The following XPO4 variants were observed in gnomAD, a reference collection of about 807,000 sequenced individuals.
XPO4 encodes the protein exportin 4.
XPO4 carries 39 observed loss-of-function variants against 143.0 expected under a neutral mutation model. That is an observed-to-expected ratio of 0.27 (90% CI 0.21 to 0.36). XPO4 has a LOEUF of 0.36. Among genes scored for constraint, XPO4 ranks in the 10% least tolerant of loss-of-function variants. The probability of loss-of-function intolerance (pLI) is 1.00; values close to 1 mark genes in which losing one functional copy is unlikely to be tolerated. For missense variants in XPO4, 907 were observed against 1,348.0 expected (o/e 0.67, Z 5.12); for synonymous variants, 439 against 474.0 (o/e 0.93, Z 0.96).
chr13:20,838,292 T>A (rs1050612639), intron 6 of XPO4, among the ~76,000 whole-genome samples: 1 of 152,146 alleles, frequency 6.6e-6, no homozygotes, highest in Non-Finnish European at 1.5e-5. Context: ...ACAGTCACAA[T>A]TAATACAGTA....
intron 1 of XPO4, chr13:20,902,122 C>G: frequency 1.0e-6 from 1 of 985,408 alleles, no homozygotes; most frequent in South Asian, 4.7e-5. Context: ...CGATTCCCCT[C>G]CCTCCCTCCA....
At chr13:20,799,744 G>A (rs998842780) in intron 15 of XPO4, among the ~76,000 whole-genome samples, 6 of 152,068 alleles carry the variant, frequency 3.9e-5, no homozygotes, top group African/African-American at 1.2e-4. Flanking sequence ...TAAGAACAAC[G>A]AAAACATTTC....
Position 20,889,069 on chromosome 13 carries a change from T to A in XPO4, c.69+13601A>T, listed in dbSNP as rs1434576535. On this transcript the variant is annotated intron_variant, in intron 1 of 22. Coordinates refer to ENST00000255305, the MANE Select transcript of XPO4 (RefSeq NM_022459.5). ...CTCAAGTGATCCACCCACCTTGGCC[T>A]CCCAAAGTGCTGGGATTACAGGCGT... Among the ~76,000 whole-genome samples, 5 of 152,104 alleles carry A rather than the reference T, an allele frequency of 3.3e-5. No homozygotes were observed. The South Asian group carries it at 8.3e-4, about 25-fold the overall frequency.
chr13:20,782,593 T>C lies in XPO4; in HGVS notation c.*1129A>G, dbSNP rs1413589376. Reference sequence around the variant, plus strand: ...TGATTCACATCCTTTAAAATAATTATTGCTTAAGCAAGCCATTTAGAGTAG... The same window carrying C: ...TGATTCACATCCTTTAAAATAATTACTGCTTAAGCAAGCCATTTAGAGTAG... On this transcript the variant is annotated 3_prime_UTR_variant, in exon 23 of 23. Transcript: ENST00000255305. 1 of 152,630 alleles carries C rather than the reference T, an allele frequency of 6.6e-6. No homozygotes were observed. The highest frequency in any genetic ancestry group is 2.1e-4 in the South Asian group (1 of 4,834). The allele number at this position is 152,630 out of a possible 1,614,324, so 9.5% of individuals were successfully genotyped here. A position where few individuals can be genotyped will look rare whatever the true frequency, so the allele number is the denominator to read the frequency against.
In XPO4 at chr13:20,807,659, T is replaced by C. The variant is rs752518583; in HGVS notation, c.1640-25A>G. 7.2e-6 allele frequency: 11 copies of C among 1,534,806 alleles called. No homozygotes were observed. The South Asian group carries it at 1.4e-4, about 20-fold the overall frequency. ...CCTTCAGTTTAAAAAAAATTAAAAA[T>C]GAACACTTAACAAATCTACATTTAT... On this transcript the variant is annotated intron_variant, in intron 12 of 22. Transcript: ENST00000255305.
chr13:20,822,383 T>C (rs1001459751), intron 7 of XPO4, 94 bp from the exon 8 acceptor site: 6 of 1,064,946 alleles, frequency 5.6e-6, no homozygotes, highest in African/African-American at 4.8e-5. Flanking sequence ...AAAAATTCAC[T>C]GTAGCTGGTT....
Position 20,796,644 on chromosome 13 carries a change from T to C in XPO4, c.2616+120A>G, listed in dbSNP as rs889797555. ...TTTCAAAAATCTTTTTTAAAAATCT[T>C]TTGAAGGAATAAAAATATTATTTAA... On this transcript the variant is annotated intron_variant, in intron 17 of 22. Transcript: ENST00000255305. The C allele has an allele frequency of 4.0e-5, 34 of 840,772 alleles. No individual in the cohort carries two copies. In the Admixed American group the frequency reaches 1.3e-3, roughly 33 times the overall value. The allele number at this position is 840,772 out of a possible 1,614,324, so 52.1% of individuals were successfully genotyped here. A position where few individuals can be genotyped will look rare whatever the true frequency, so the allele number is the denominator to read the frequency against.
At chr13:20,811,646 T>G (rs542301492) in intron 9 of XPO4, among the ~76,000 whole-genome samples, 1 of 152,106 alleles carries the variant, frequency 6.6e-6, no homozygotes, top group South Asian at 2.1e-4. Flanking sequence ...AATGGTGCCA[T>G]GGACCAGGGG....
At chr13:20,790,359 C>T in intron 19 of XPO4, 103 bp downstream of exon 19, 1 of 893,960 alleles carries the variant, frequency 1.1e-6, no homozygotes. Flanking sequence ...GTGCACTTAG[C>T]AGATACAACT....
At chr13:20,881,844 A>G (rs1595158933) in intron 1 of XPO4, among the ~76,000 whole-genome samples, 1 of 152,046 alleles carries the variant, frequency 6.6e-6, no homozygotes, top group East Asian at 1.9e-4. Context: ...ACAGTAGCTC[A>G]CACCTGTAAG....
intron 1 of XPO4, among the ~76,000 whole-genome samples, chr13:20,882,109 C>CAAAAAAAAAAAAAAAAAAA (rs35404161): frequency 1.7e-4 from 16 of 93,346 alleles, no homozygotes; most frequent in African/African-American, 5.7e-4. Context: ...GACTCGGTCT[C>CAAAAAAAAAAAAAAAAAAA]AAAAAAAAAA....
intron 7 of XPO4, among the ~76,000 whole-genome samples, chr13:20,825,846 C>G (rs1041833982): frequency 2.0e-5 from 3 of 152,160 alleles, no homozygotes; most frequent in African/African-American, 7.2e-5. Flanking sequence ...ATTTAATGCT[C>G]AGTCTGAATA....
chr13:20,900,300 C>T (rs2060607946), intron 1 of XPO4, among the ~76,000 whole-genome samples: 2 of 151,990 alleles, frequency 1.3e-5, no homozygotes, highest in Non-Finnish European at 2.9e-5. Flanking sequence ...AGGAGAATCG[C>T]TTGAACCCGG....
intron 2 of XPO4, chr13:20,866,121 A>ACTGTG (rs1751411115): frequency 2.0e-6 from 2 of 984,196 alleles, no homozygotes; most frequent in Non-Finnish European, 2.4e-6. Context: ...TGTTTTTTTA[A>ACTGTG]AGGAACATTT....
chr13:20,785,048 A>C (rs1240965381), intron 22 of XPO4, among the ~76,000 whole-genome samples: 1 of 152,132 alleles, frequency 6.6e-6, no homozygotes, highest in Non-Finnish European at 1.5e-5. Context: ...TTGAATTTTT[A>C]GTAGGGACAG....
At position 20,782,695 on chromosome 13, in the gene XPO4, A is replaced by G. The variant is rs1296174364; in HGVS notation, c.*1027T>C. The G allele has an allele frequency of 6.6e-6, 1 of 152,636 alleles. No individual in the cohort carries two copies. The highest frequency in any genetic ancestry group is 1.5e-5 in the Non-Finnish European group (1 of 68,044). 9.5% of individuals were successfully genotyped at this position (152,636 alleles called of 1,614,324 possible). A position where few individuals can be genotyped will look rare whatever the true frequency, so the allele number is the denominator to read the frequency against. ...GAAACAAGCCTTTCATTTCACTGAT[A>G]AACCTACATAAATACACGATCGAAA... On this transcript the variant is annotated 3_prime_UTR_variant, in exon 23 of 23. Transcript: ENST00000255305.
chr13:20,902,131 C>T (rs1194810066), intron 1 of XPO4: 1 of 985,284 alleles, frequency 1.0e-6, no homozygotes, highest in Non-Finnish European at 1.2e-6. Context: ...TCCCTCCCTC[C>T]AGCCGGCCCG....
chr13:20,822,364 AG>A (rs2059731546), intron 7 of XPO4, 75 bp from the exon 8 acceptor site: 1 of 1,308,814 alleles, frequency 7.6e-7, no homozygotes, highest in Non-Finnish European at 1.0e-6. Flanking sequence ...ATGCCGAATG[AG>A]GTAAGACAAA....
rs940029662 is a variant in XPO4, at chr13:20,782,569, G to C, written c.*1153C>G. On this transcript the variant is annotated 3_prime_UTR_variant, in exon 23 of 23. Coordinates refer to ENST00000255305, the MANE Select transcript of XPO4 (RefSeq NM_022459.5). ...CGTGCAATAGTCTGTGTGAATCAGT[G>C]ATTCACATCCTTTAAAATAATTATT... 3 of 152,590 alleles carry C rather than the reference G, an allele frequency of 2.0e-5. No homozygotes were observed. The highest frequency in any genetic ancestry group is 4.8e-5 in the African/African-American group (2 of 41,440). 9.5% of individuals were successfully genotyped at this position (152,590 alleles called of 1,614,324 possible).
Sources: allele counts gnomAD v4.1 joint callset (sites outside exome capture counted in the v4.1 genomes callset), GRCh38; gene constraint gnomAD v4.1.1; transcripts MANE v1.5; gene names NCBI Gene and HGNC (gene_info 2026-07-23, HGNC 2026-07-21).